NAA25: variants seen among roughly 807,000 people sequenced by gnomAD.
NAA25 encodes N-alpha-acetyltransferase 25, NatB auxiliary subunit, also known as N-terminal acetyltransferase B complex subunit NAA25.
Under a neutral mutation model 132.5 loss-of-function variants are expected in NAA25, and 30 were observed. That is an observed-to-expected ratio of 0.23 (90% CI 0.17 to 0.31). NAA25 has a LOEUF of 0.31. NAA25 is among the 10% of genes least tolerant of loss of function. The probability of loss-of-function intolerance (pLI) is 1.00; values close to 1 mark genes in which losing one functional copy is unlikely to be tolerated. For synonymous variants in NAA25, 359 were observed against 401.9 expected (o/e 0.89, Z 1.28); for missense variants, 771 against 1,150.4 (o/e 0.67, Z 4.77).
At chr12:112,051,789 T>C (rs772364133) in intron 15 of NAA25, among the ~76,000 whole-genome samples, 1 of 152,248 alleles carries the variant, frequency 6.6e-6, no homozygotes, top group Non-Finnish European at 1.5e-5. Context: ...CTCCTTTGCC[T>C]ATATTGCAAC....
chr12:112,040,742 G>A (rs185135445), intron 20 of NAA25, among the ~76,000 whole-genome samples, 164 bp from the exon 21 acceptor site: 1 of 152,136 alleles, frequency 6.6e-6, no homozygotes, highest in African/African-American at 2.4e-5. Context: ...ACTATCCATT[G>A]TAAGTTCTTT....
chr12:112,067,928 G>A (rs754019859), intron 11 of NAA25, among the ~76,000 whole-genome samples: 3 of 152,130 alleles, frequency 2.0e-5, no homozygotes, highest in Non-Finnish European at 2.9e-5. Flanking sequence ...GTAGAGACAA[G>A]GTTTCACCAT....
At chr12:112,047,157 C>A (rs1258202905) in intron 17 of NAA25, among the ~76,000 whole-genome samples, 2 of 151,550 alleles carry the variant, frequency 1.3e-5, no homozygotes, top group East Asian at 3.9e-4. Flanking sequence ...CTGATCCCTA[C>A]AACAAACACA....
intron 11 of NAA25, among the ~76,000 whole-genome samples, chr12:112,066,494 G>A (rs1394945420): frequency 6.8e-6 from 1 of 147,654 alleles, no homozygotes. Context: ...AGAACTTCCT[G>A]CTGGTCCCTG....
rs372525673 is a variant in NAA25 at position 112,043,239 on chromosome 12, C to A, written c.2251-28G>T. 1.6e-5 allele frequency: 25 copies of A among 1,558,194 alleles called. No homozygotes were observed. In the African/African-American group the frequency reaches 3.3e-4, roughly 21 times the overall value. On this transcript the variant is annotated intron_variant, in intron 18 of 23. Transcript: ENST00000261745. ...GGAAAAAAGGGAGAAAAATAATGCT[C>A]TTTTAAATCCATCTAAATGCATACA...
Position 112,047,707 on chromosome 12 carries a change from T to C in NAA25, c.1964A>G (p.Asn655Ser). 6.2e-7 allele frequency: 1 copy of C among 1,614,138 alleles called. No individual in the cohort carries two copies. Among genetic ancestry groups the C allele is most frequent in the Non-Finnish European group, 8.5e-7 (1 of 1,180,004 alleles). Residue 655 changes from asparagine to serine, a missense_variant, in exon 17 of 24, where the codon AAC (asparagine) becomes AGC (serine). Transcript: ENST00000261745. Reference sequence around the variant, plus strand: ...GCTGAAAAAAACATTTAAGTCTCTGTTGTCTCGCAAATCTTCCCATGGAAT... The same window carrying C: ...GCTGAAAAAAACATTTAAGTCTCTGCTGTCTCGCAAATCTTCCCATGGAAT... The part of the protein sequence containing the change: ...DDIPWEDLRD[N>S]RDLNVFFSWD...
chr12:112,065,692 G>C (rs2078707393), intron 11 of NAA25: 2 of 151,872 alleles, frequency 1.3e-5, no homozygotes, highest in Admixed American at 1.3e-4. Context: ...TAAAAAACTA[G>C]AATCATTTTA....
At chr12:112,085,174 G>A (rs932480136) in intron 4 of NAA25, among the ~76,000 whole-genome samples, 1 of 152,030 alleles carries the variant, frequency 6.6e-6, no homozygotes. Flanking sequence ...AGGTTGCAGT[G>A]AGCCAAGATC....
chr12:112,071,862 T>C (rs2078814401), intron 10 of NAA25, 33 bp downstream of exon 10: 2 of 1,587,550 alleles, frequency 1.3e-6, no homozygotes, highest in Non-Finnish European at 8.6e-7. Context: ...TTAAGGGCAT[T>C]CTCCAGGCTT....
intron 17 of NAA25, among the ~76,000 whole-genome samples, chr12:112,047,152 C>T (rs2078395589): frequency 6.6e-6 from 1 of 151,864 alleles, no homozygotes; most frequent in Non-Finnish European, 1.5e-5. Context: ...ATTTTCTGAT[C>T]CCTACAACAA....
At chr12:112,094,841 C>A (rs2079189131) in intron 1 of NAA25, among the ~76,000 whole-genome samples, 1 of 151,706 alleles carries the variant, frequency 6.6e-6, no homozygotes, top group Non-Finnish European at 1.5e-5. Flanking sequence ...GGTATTTTTA[C>A]TAGAGATGAG....
chr12:112,106,592 C>T (rs2079364242), intron 1 of NAA25, among the ~76,000 whole-genome samples: 1 of 152,124 alleles, frequency 6.6e-6, no homozygotes, highest in Non-Finnish European at 1.5e-5. Flanking sequence ...CTGCCACTTA[C>T]CATCTGTGTG....
intron 5 of NAA25, 44 bp from the exon 6 acceptor site, chr12:112,078,785 T>C (rs1032039225): frequency 6.8e-7 from 1 of 1,472,698 alleles, no homozygotes; most frequent in Admixed American, 1.7e-5. Context: ...CTCCCCTGCT[T>C]GCACTATTGA....
At chr12:112,036,853 A>G (rs1268913794) in intron 22 of NAA25, among the ~76,000 whole-genome samples, 1 of 151,958 alleles carries the variant, frequency 6.6e-6, no homozygotes, top group East Asian at 1.9e-4. Flanking sequence ...AAAAAAAAAA[A>G]AAAGTACGTA....
chr12:112,067,077 G>C (rs1050284440), intron 11 of NAA25, among the ~76,000 whole-genome samples: 6 of 152,122 alleles, frequency 3.9e-5, no homozygotes, highest in Admixed American at 3.9e-4. Flanking sequence ...TAGCACACCA[G>C]TAATCCCAGC....
chr12:112,039,207 T>A, intron 22 of NAA25, 22 bp downstream of exon 22: 1 of 1,408,036 alleles, frequency 7.1e-7, no homozygotes, highest in South Asian at 1.2e-5. Context: ...TCCTTGTATA[T>A]CACTTGTGTT....
intron 9 of NAA25, among the ~76,000 whole-genome samples, chr12:112,074,295 C>T (rs1188309236): frequency 3.6e-5 from 5 of 139,604 alleles, no homozygotes; most frequent in Admixed American, 7.7e-5. Flanking sequence ...GAGCCAAGAT[C>T]GTGCCATTGC....
intron 1 of NAA25, among the ~76,000 whole-genome samples, chr12:112,100,469 C>G (rs1450238841): frequency 6.6e-6 from 1 of 151,758 alleles, no homozygotes; most frequent in Non-Finnish European, 1.5e-5. Context: ...CCTTGCTTCC[C>G]TTTTAGTTTA....
chr12:112,042,821 T>A (rs1190011597), intron 19 of NAA25, among the ~76,000 whole-genome samples: 1 of 152,268 alleles, frequency 6.6e-6, no homozygotes, highest in Non-Finnish European at 1.5e-5. Context: ...GCTTCATTTT[T>A]AAAATCCAAC....
Sources: gnomAD v4.1 joint callset for allele counts (sites outside exome capture counted in the v4.1 genomes callset) on GRCh38, gnomAD v4.1.1 for gene constraint, MANE v1.5 for transcripts, NCBI Gene and HGNC (gene_info 2026-07-23, HGNC 2026-07-21) for gene names.